CYB5R4: variants seen among roughly 807,000 people sequenced by gnomAD.
CYB5R4 encodes the protein cytochrome b5 reductase 4.
In CYB5R4, 55 loss-of-function variants were observed where a neutral mutation model predicts 70.2. The ratio of observed to expected loss-of-function variants is 0.78; its 90% CI spans 0.63 to 0.98. The LOEUF (loss-of-function observed/expected upper bound fraction) is 0.98, where lower values mean the gene tolerates loss of function less well. Among genes scored for constraint, CYB5R4 ranks in the 50% least tolerant of loss-of-function variants. The pLI is 0.00. For synonymous variants in CYB5R4, 197 were observed against 199.5 expected, an observed-to-expected ratio of 0.99 and a Z score of 0.11; for missense variants, 562 against 612.6, an observed-to-expected ratio of 0.92 and a Z score of 0.87.
At chr6:83,950,594 C>T (rs2099471373) in intron 14 of CYB5R4, among the ~76,000 whole-genome samples, 1 of 152,130 alleles carries the variant, frequency 6.6e-6, no homozygotes, top group African/African-American at 2.4e-5. Flanking sequence ...ATAAATATAA[C>T]AGGTATTTTC....
chr6:83,913,448 CT>C (rs764826761), intron 4 of CYB5R4, among the ~76,000 whole-genome samples: 32 of 152,166 alleles, frequency 2.1e-4, no homozygotes, highest in Middle Eastern at 3.4e-3. Flanking sequence ...GATTTTCAGC[CT>C]TTTTTAGGAG....
chr6:83,911,725 C>G (rs2099464715), intron 4 of CYB5R4, among the ~76,000 whole-genome samples: 1 of 151,994 alleles, frequency 6.6e-6, no homozygotes, highest in South Asian at 2.1e-4. Flanking sequence ...CTGTATACCT[C>G]TTTTACAGCC....
chr6:83,919,516 C>A, intron 7 of CYB5R4, 62 bp downstream of exon 7: 1 of 876,348 alleles, frequency 1.1e-6, no homozygotes, highest in South Asian at 1.9e-5. Context: ...TGTACCAGGT[C>A]TTTTTCTAAA....
chr6:83,919,244 G>A (rs2099465980), intron 6 of CYB5R4, among the ~76,000 whole-genome samples, 153 bp from the exon 7 acceptor site: 1 of 152,116 alleles, frequency 6.6e-6, no homozygotes, highest in Non-Finnish European at 1.5e-5. Context: ...AATGAAGAAT[G>A]TAACATGGTA....
intron 2 of CYB5R4, among the ~76,000 whole-genome samples, chr6:83,865,007 C>T (rs1325659428): frequency 6.6e-6 from 1 of 152,098 alleles, no homozygotes; most frequent in Non-Finnish European, 1.5e-5. Flanking sequence ...GCATGGTTAA[C>T]TGTGTTTACC....
chr6:83,963,477 G>A lies in CYB5R4; in HGVS notation c.*3599G>A, dbSNP rs2099473627. The A allele has an allele frequency of 6.6e-6, 1 of 152,154 alleles. No individual in the cohort carries two copies. The highest frequency in any genetic ancestry group is 2.4e-5 in the African/African-American group (1 of 41,430). 9.4% of individuals were successfully genotyped at this position (152,154 alleles called of 1,614,324 possible). Reference sequence around the variant, plus strand: ...AAAAACAGATTCTGTATGATCTACAGTATTTAACATTGTGGCAAATAAATT... The same window carrying A: ...AAAAACAGATTCTGTATGATCTACAATATTTAACATTGTGGCAAATAAATT... On this transcript the variant is annotated 3_prime_UTR_variant, in exon 16 of 16. Coordinates refer to ENST00000369681, the MANE Select transcript of CYB5R4 (RefSeq NM_016230.4).
chr6:83,925,148 G>A (rs1042538708), intron 10 of CYB5R4, among the ~76,000 whole-genome samples: 1 of 152,148 alleles, frequency 6.6e-6, no homozygotes, highest in Non-Finnish European at 1.5e-5. Flanking sequence ...GGTTTCTGGG[G>A]AGGACTCAGG....
chr6:83,933,922 A>T (rs974165575), intron 10 of CYB5R4, among the ~76,000 whole-genome samples: 1 of 152,208 alleles, frequency 6.6e-6, no homozygotes, highest in African/African-American at 2.4e-5. Context: ...TTTTGTTTTA[A>T]TCATTTTTGA....
intron 14 of CYB5R4, among the ~76,000 whole-genome samples, chr6:83,951,990 GAA>G (rs1305008268): frequency 1.3e-5 from 2 of 152,096 alleles, no homozygotes; most frequent in Admixed American, 6.6e-5. Context: ...ACTTAGCAGA[GAA>G]TACTATACCC....
chr6:83,923,501 G>T (rs1434593053), intron 9 of CYB5R4, among the ~76,000 whole-genome samples: 2 of 152,126 alleles, frequency 1.3e-5, no homozygotes, highest in Non-Finnish European at 2.9e-5. Flanking sequence ...CACTATAGGG[G>T]AGAGCAGAAC....
At chr6:83,925,333 C>T (rs555975463) in intron 10 of CYB5R4, among the ~76,000 whole-genome samples, 24 of 152,154 alleles carry the variant, frequency 1.6e-4, no homozygotes, top group Middle Eastern at 3.4e-3. Flanking sequence ...ATGAAGGATC[C>T]GCCCCCATGC....
chr6:83,946,554 T>C (rs2099470645), intron 14 of CYB5R4, among the ~76,000 whole-genome samples: 1 of 152,146 alleles, frequency 6.6e-6, no homozygotes, highest in Non-Finnish European at 1.5e-5. Flanking sequence ...CAACATAGTA[T>C]TGCAAGTTCT....
rs1323532468 is a variant in CYB5R4 at position 83,967,089 on chromosome 6, T to C, written c.*7211T>C. On this transcript the variant is annotated 3_prime_UTR_variant, in exon 16 of 16. Coordinates refer to ENST00000369681, the MANE Select transcript of CYB5R4 (RefSeq NM_016230.4). ...CATTTGATATCCTGATGGAAAAAAA[T>C]GTGAGCCAAGGATTTTACACCCAAC... 6.6e-6 allele frequency: 1 copy of C among 152,114 alleles called. No individual in the cohort carries two copies. Among genetic ancestry groups the C allele is most frequent in the Admixed American group, 6.5e-5 (1 of 15,268 alleles). 9.4% of individuals were successfully genotyped at this position (152,114 alleles called of 1,614,324 possible). A position where few individuals can be genotyped will look rare whatever the true frequency, so the allele number is the denominator to read the frequency against.
intron 2 of CYB5R4, among the ~76,000 whole-genome samples, chr6:83,891,383 TAA>T (rs1419643223): frequency 6.6e-6 from 1 of 152,158 alleles, no homozygotes; most frequent in South Asian, 2.1e-4. Flanking sequence ...AGAAAAAGCA[TAA>T]AGTTTGTTTT....
At chr6:83,924,356 T>C in intron 9 of CYB5R4, 114 bp from the exon 10 acceptor site, 1 of 995,576 alleles carries the variant, frequency 1.0e-6, no homozygotes, top group Non-Finnish European at 1.4e-6. Context: ...CCACTAATAA[T>C]CAGTACCATT....
chr6:83,874,509 T>C (rs2099458196), intron 2 of CYB5R4, among the ~76,000 whole-genome samples: 1 of 151,458 alleles, frequency 6.6e-6, no homozygotes, highest in African/African-American at 2.4e-5. Context: ...GACCTCATTC[T>C]TTCTCAGACC....
At chr6:83,935,984 ACAT>A (rs2099468861) in intron 11 of CYB5R4, among the ~76,000 whole-genome samples, 1 of 152,144 alleles carries the variant, frequency 6.6e-6, no homozygotes, top group Non-Finnish European at 1.5e-5. Context: ...ATTAGACTAT[ACAT>A]CATAAAAACA....
At chr6:83,911,241 CA>C (rs1460986661) in intron 4 of CYB5R4, among the ~76,000 whole-genome samples, 1 of 150,104 alleles carries the variant, frequency 6.7e-6, no homozygotes, top group African/African-American at 2.5e-5. Flanking sequence ...TCTGTCTCTA[CA>C]AAAATTAAAA....
chr6:83,878,774 T>C (rs371475004), intron 2 of CYB5R4, among the ~76,000 whole-genome samples: 56 of 152,220 alleles, frequency 3.7e-4, no homozygotes, highest in African/African-American at 1.3e-3. Flanking sequence ...ATCAATCTAG[T>C]AAGTAGTTGA....
Sources: allele counts gnomAD v4.1 joint callset (sites outside exome capture counted in the v4.1 genomes callset), GRCh38; gene constraint gnomAD v4.1.1; transcripts MANE v1.5; gene names NCBI Gene and HGNC (gene_info 2026-07-23, HGNC 2026-07-21).